Variants in CNN2 observed in about 807,000 individuals in gnomAD.
CNN2 encodes the protein calponin 2.
In CNN2, 21 loss-of-function variants were observed where a neutral mutation model predicts 31.0. That is an observed-to-expected ratio of 0.68 (90% CI 0.48 to 0.98). The LOEUF is 0.98. CNN2 is among the 50% of genes least tolerant of loss of function. The pLI is 0.00. For missense variants in CNN2, 399 were observed against 427.3 expected, an observed-to-expected ratio of 0.93 and a Z score of 0.58; for synonymous variants, 165 against 179.6, an observed-to-expected ratio of 0.92 and a Z score of 0.65.
rs770339088 is a variant in CNN2 at position 1,026,613 on chromosome 19, C to T, written c.-49C>T. ...CAACCCCGCGCCAGCCCGGCGGTCC[C>T]GTCCCGTCCCGTCCTGTGCGGCCCC... On this transcript the variant is annotated 5_prime_UTR_variant, in exon 1 of 7. Transcript: ENST00000263097. 3.6e-5 allele frequency: 51 copies of T among 1,409,282 alleles called. No individual in the cohort carries two copies. The East Asian group carries it at 1.2e-3, about 32-fold the overall frequency. 87.3% of individuals were successfully genotyped at this position (1,409,282 alleles called of 1,614,324 possible). A position where few individuals can be genotyped will look rare whatever the true frequency, so the allele number is the denominator to read the frequency against.
chr19:1,037,631 A>C lies in CNN2; in HGVS notation c.661A>C (p.Met221Leu). 1 of 1,611,064 alleles carries C rather than the reference A, an allele frequency of 6.2e-7. No homozygotes were observed. Reference sequence around the variant, plus strand: ...ACCCCTCCTTCCTCTCCAGGTGGGCATGACGGCTCCCGGGACCCGGCGGCA... The same window carrying C: ...ACCCCTCCTTCCTCTCCAGGTGGGCCTGACGGCTCCCGGGACCCGGCGGCA... ...GTNKCASQVG[M>L]TAPGTRRHIY... The change falls in exon 7 of 7, where the codon ATG becomes CTG. Residue 221 changes from methionine to leucine, a missense_variant. Coordinates refer to ENST00000263097, the MANE Select transcript of CNN2 (RefSeq NM_004368.4).
At chr19:1,033,571 C>T (rs1017664376) in intron 4 of CNN2, among the ~76,000 whole-genome samples, 7 of 152,350 alleles carry the variant, frequency 4.6e-5, no homozygotes, top group Non-Finnish European at 1.0e-4. Flanking sequence ...AAGAATCAGA[C>T]GAATGTTGAG....
At chr19:1,031,034 C>T (rs1428237575) in intron 1 of CNN2, 37 bp from the exon 2 acceptor site, 1 of 1,590,512 alleles carries the variant, frequency 6.3e-7, no homozygotes, top group East Asian at 2.3e-5. Flanking sequence ...GGGGGTGCCC[C>T]CAGCCCAGCT....
chr19:1,031,018 C>A, intron 1 of CNN2, 53 bp from the exon 2 acceptor site: 1 of 1,564,568 alleles, frequency 6.4e-7, no homozygotes, highest in Non-Finnish European at 8.7e-7. Context: ...CTGTGGGGTT[C>A]CTGCTGGGGG....
rs1286341683 is a variant in CNN2, at chr19:1,032,674, C to T, written c.368C>T (p.Ser123Phe). The change falls in exon 4 of 7, where the codon TCT becomes TTT. Residue 123 changes from serine to phenylalanine, a missense_variant. Transcript: ENST00000263097. ...ESGNMTQVQV[S>F]LLALAGKAKT... ...GGGAACATGACGCAGGTGCAGGTGTCTCTTCTCGCCCTGGCGGGGAAGGTG... is the reference window on the plus strand; with the variant it reads ...GGGAACATGACGCAGGTGCAGGTGTTTCTTCTCGCCCTGGCGGGGAAGGTG... 1 of 1,611,614 alleles carries T rather than the reference C, an allele frequency of 6.2e-7. No individual in the cohort carries two copies. The highest frequency in any genetic ancestry group is 1.1e-5 in the South Asian group (1 of 90,982).
In CNN2 at chr19:1,026,659, G is replaced by C. The variant is rs959782794; in HGVS notation, c.-3G>C. The C allele has an allele frequency of 1.9e-6, 3 of 1,540,420 alleles. No homozygotes were observed. On this transcript the variant is annotated 5_prime_UTR_variant, in exon 1 of 7. Transcript: ENST00000263097. Reference sequence around the variant, plus strand: ...GCCCCGTCCCGCCGCCCGCCCGCCAGCCATGAGCTCCACGCAGTTCAACAA... The same window carrying C: ...GCCCCGTCCCGCCGCCCGCCCGCCACCCATGAGCTCCACGCAGTTCAACAA...
chr19:1,028,685 C>T (rs1372309594), intron 1 of CNN2, among the ~76,000 whole-genome samples: 3 of 142,732 alleles, frequency 2.1e-5, no homozygotes, highest in African/African-American at 7.6e-5. Context: ...GCTGGAAGGC[C>T]GGCGGCCGGG....
chr19:1,032,339 C>T, intron 2 of CNN2, 53 bp from the exon 3 acceptor site: 1 of 1,607,080 alleles, frequency 6.2e-7, no homozygotes, highest in South Asian at 1.1e-5. Flanking sequence ...CTTCACGGTT[C>T]CTCGCTGCTC....
At chr19:1,033,625 A>AC (rs2039535521) in intron 4 of CNN2, among the ~76,000 whole-genome samples, 7 of 145,014 alleles carry the variant, frequency 4.8e-5, no homozygotes, top group African/African-American at 1.8e-4. Context: ...TGGGTGGGAC[A>AC]GTGGTGTAGA....
chr19:1,035,544 C>G (rs534148428), intron 4 of CNN2, among the ~76,000 whole-genome samples: 3 of 152,118 alleles, frequency 2.0e-5, no homozygotes, highest in Non-Finnish European at 4.4e-5. Context: ...AGAGAGGAAG[C>G]GAAAACCACG....
chr19:1,037,452 G>C (rs902707996), intron 6 of CNN2, 173 bp from the exon 7 acceptor site: 15 of 760,676 alleles, frequency 2.0e-5, no homozygotes, highest in African/African-American at 1.1e-4. Context: ...TTGTATTTTT[G>C]GGAGAGACAG....
rs1384818585 is a variant in CNN2 at position 1,038,233 on chromosome 19, C to G, written c.*333C>G. On this transcript the variant is annotated 3_prime_UTR_variant, in exon 7 of 7. Transcript: ENST00000263097. ...CCCCGACGGTTTCTGCTTGCCTCGCCTCTTCCCCCTTTTGTCAGCTGAGCA... is the reference window on the plus strand; with the variant it reads ...CCCCGACGGTTTCTGCTTGCCTCGCGTCTTCCCCCTTTTGTCAGCTGAGCA... The G allele has an allele frequency of 1.1e-5, 3 of 284,698 alleles. No individual in the cohort carries two copies. The highest frequency in any genetic ancestry group is 2.0e-5 in the Non-Finnish European group (3 of 152,594). The allele number at this position is 284,698 out of a possible 1,614,324, so 17.6% of individuals were successfully genotyped here.
intron 6 of CNN2, chr19:1,036,916 C>T (rs533322921): frequency 3.5e-4 from 119 of 343,394 alleles, no homozygotes; most frequent in African/African-American, 1.9e-3. Context: ...TGCAGTGGCA[C>T]GATCTCGGCT....
At chr19:1,036,005 T>G in intron 4 of CNN2, 125 bp from the exon 5 acceptor site, 1 of 1,402,210 alleles carries the variant, frequency 7.1e-7, no homozygotes, top group Non-Finnish European at 9.4e-7. Context: ...GATGTGCCTG[T>G]GGGGGCTCTG....
rs1568181564 is a variant in CNN2 at position 1,037,821 on chromosome 19, C to A, written c.851C>A (p.Pro284His). 1 of 1,608,444 alleles carries A rather than the reference C, an allele frequency of 6.2e-7. No individual in the cohort carries two copies. The highest frequency in any genetic ancestry group is 2.2e-5 in the East Asian group (1 of 44,782). ...CAAGGCACAGTGGCCGATGGGGCTC[C>A]CTCGGGCACCGGCGACTGCCCGGAC... ...CPQGTVADGA[P>H]SGTGDCPDPG... The change falls in exon 7 of 7, where the codon CCC (proline) becomes CAC (histidine). Residue 284 changes from proline to histidine, a missense_variant. Coordinates refer to ENST00000263097, the MANE Select transcript of CNN2 (RefSeq NM_004368.4).
intron 6 of CNN2, chr19:1,036,860 T>G (rs978208187): frequency 4.5e-6 from 2 of 448,588 alleles, no homozygotes; most frequent in Non-Finnish European, 8.2e-6. Flanking sequence ...ATTTTATTTA[T>G]GTATTTATTT....
intron 4 of CNN2, 30 bp downstream of exon 4, chr19:1,032,726 C>T: frequency 1.9e-6 from 3 of 1,543,546 alleles, no homozygotes; most frequent in Non-Finnish European, 2.7e-6. Flanking sequence ...AGCCACCTGC[C>T]CAGAGTCACA....
At chr19:1,033,385 G>A (rs1482116905) in intron 4 of CNN2, among the ~76,000 whole-genome samples, 1 of 152,006 alleles carries the variant, frequency 6.6e-6, no homozygotes, top group East Asian at 1.9e-4. Context: ...GGGCGTGGTG[G>A]TGCATGCCTG....
chr19:1,037,371 C>A (rs2144632758), intron 6 of CNN2: 2 of 474,642 alleles, frequency 4.2e-6, no homozygotes, highest in East Asian at 3.7e-5. Flanking sequence ...CTTCTGACCT[C>A]AGGTGATCCT....
Sources: allele counts gnomAD v4.1 joint callset (sites outside exome capture counted in the v4.1 genomes callset), GRCh38; gene constraint gnomAD v4.1.1; transcripts MANE v1.5; gene names NCBI Gene and HGNC (gene_info 2026-07-23, HGNC 2026-07-21).